MAPDA: variants seen among roughly 807,000 people sequenced by gnomAD.
MAPDA encodes the protein N6-Methyl-AMP deaminase, also known as N6,N6-dimethyl-AMP deaminase.
the MAPDA span, chr15:43,351,910 T>C: frequency 6.4e-7 from 1 of 1,551,336 alleles, no homozygotes; most frequent in Non-Finnish European, 8.7e-7. Context: ...GAGGAAGAAA[T>C]GGAATCACCT....
the MAPDA span, among the ~76,000 whole-genome samples, chr15:43,342,051 G>T: frequency 2.6e-5 from 4 of 151,952 alleles, no homozygotes; most frequent in Non-Finnish European, 5.9e-5. Flanking sequence ...GTTGGCCAGG[G>T]TGGTCTCGAA....
At chr15:43,336,120 C>G in the MAPDA span, among the ~76,000 whole-genome samples, 2 of 152,302 alleles carry the variant, frequency 1.3e-5, no homozygotes, top group East Asian at 3.9e-4. Flanking sequence ...CAGATCACTG[C>G]TGCCTTGACC....
At chr15:43,353,362 T>C in the MAPDA span, 2 of 152,228 alleles carry the variant, frequency 1.3e-5, no homozygotes, top group African/African-American at 4.8e-5. Context: ...AATGTGTGTT[T>C]TTCCCTGGTA....
the MAPDA span, among the ~76,000 whole-genome samples, chr15:43,348,258 A>G: frequency 6.6e-6 from 1 of 152,214 alleles, no homozygotes; most frequent in Non-Finnish European, 1.5e-5. Flanking sequence ...CTATGTGAGG[A>G]AAGTAACTGG....
the MAPDA span, chr15:43,348,778 A>G: frequency 1.2e-6 from 1 of 818,806 alleles, no homozygotes; most frequent in Non-Finnish European, 1.8e-6. Flanking sequence ...GGAAGGCAGA[A>G]GTAGTTCAGT....
At chr15:43,338,260 C>T in the MAPDA span, among the ~76,000 whole-genome samples, 1 of 152,164 alleles carries the variant, frequency 6.6e-6, no homozygotes, top group African/African-American at 2.4e-5. Flanking sequence ...AATGAAACGT[C>T]TATGAGGATA....
At chr15:43,345,755 G>A in the MAPDA span, 2 of 1,417,778 alleles carry the variant, frequency 1.4e-6, no homozygotes, top group Non-Finnish European at 2.0e-6. Context: ...CTAGTGAGAT[G>A]TATTACACGT....
At chr15:43,334,633 T>TATATATATATATATATATATATATATATA in the MAPDA span, among the ~76,000 whole-genome samples, 1 of 65,142 alleles carries the variant, frequency 1.5e-5, no homozygotes, top group Non-Finnish European at 4.7e-5. Flanking sequence ...CTCAAAAAAA[T>TATATATATATATATATATATATATATATA]TATATATATA....
the MAPDA span, chr15:43,348,865 A>G: frequency 1.3e-6 from 2 of 1,596,144 alleles, no homozygotes; most frequent in African/African-American, 1.3e-5. Context: ...CTTAAGAACC[A>G]CTGAAAGAGG....
the MAPDA span, among the ~76,000 whole-genome samples, chr15:43,337,761 T>C: frequency 6.6e-6 from 1 of 152,218 alleles, no homozygotes. Context: ...GAGAGGTAAC[T>C]CTAATAGTTT....
At chr15:43,335,863 T>C in the MAPDA span, 3 of 1,587,200 alleles carry the variant, frequency 1.9e-6, no homozygotes, top group East Asian at 4.5e-5. Flanking sequence ...CTCCTTTTTT[T>C]CTCTATCAGT....
At chr15:43,336,676 A>G in the MAPDA span, 919 of 1,553,924 alleles carry the variant, frequency 5.9e-4, 3 homozygotes, top group Non-Finnish European at 2.8e-4. Context: ...AGCCCTGAAG[A>G]TATTCTAATG....
the MAPDA span, chr15:43,351,173 G>C: frequency 2.4e-6 from 2 of 842,088 alleles, no homozygotes; most frequent in Non-Finnish European, 3.7e-6. Flanking sequence ...GAAGGGACCG[G>C]GGTGTGGCTG....
chr15:43,335,570 T>C, the MAPDA span: 1 of 1,112,922 alleles, frequency 9.0e-7, no homozygotes, highest in Non-Finnish European at 1.2e-6. Flanking sequence ...GCAAAATTTG[T>C]AAACTTTATT....
the MAPDA span, among the ~76,000 whole-genome samples, chr15:43,334,633 T>TTATATATATGTATATATATATA: frequency 1.5e-5 from 1 of 65,142 alleles, no homozygotes; most frequent in Non-Finnish European, 4.7e-5. Flanking sequence ...CTCAAAAAAA[T>TTATATATATGTATATATATATA]TATATATATA....
chr15:43,330,517 C>G, the MAPDA span: 4 of 1,510,948 alleles, frequency 2.6e-6, no homozygotes, highest in Non-Finnish European at 3.5e-6. Context: ...GAATGGCAGT[C>G]TGTCACGGTT....
chr15:43,330,361 C>G, the MAPDA span: 4 of 1,604,416 alleles, frequency 2.5e-6, no homozygotes, highest in Non-Finnish European at 3.4e-6. Context: ...GCGCCGCGCC[C>G]GGAACCAGCA....
chr15:43,334,633 T>TTATA, the MAPDA span, among the ~76,000 whole-genome samples: 382 of 65,158 alleles, frequency 5.9e-3, 38 homozygotes, highest in Middle Eastern at 0.028. Flanking sequence ...CTCAAAAAAA[T>TTATA]TATATATATA....
chr15:43,351,333 C>CAAA, the MAPDA span: 9 of 233,980 alleles, frequency 3.8e-5, no homozygotes, highest in South Asian at 7.7e-5. Context: ...TCTCACAAAG[C>CAAA]AAAAAAAAAA....
Sources: gnomAD v4.1 joint callset for allele counts (sites outside exome capture counted in the v4.1 genomes callset) on GRCh38, gnomAD v4.1.1 for gene constraint, MANE v1.5 for transcripts, NCBI Gene and HGNC (gene_info 2026-07-23, HGNC 2026-07-21) for gene names.